KAT6A: variants seen among roughly 807,000 people sequenced by gnomAD.
KAT6A encodes the protein lysine acetyltransferase 6A, also known as histone acetyltransferase KAT6A.
KAT6A carries 9 observed loss-of-function variants against 198.4 expected under a neutral mutation model. The ratio of observed to expected loss-of-function variants is 0.05; its 90% CI spans 0.03 to 0.08. KAT6A has a LOEUF of 0.08. Among genes scored for constraint, KAT6A ranks in the 10% least tolerant of loss-of-function variants. The probability of loss-of-function intolerance (pLI) is 1.00; values close to 1 mark genes in which losing one functional copy is unlikely to be tolerated. For missense variants in KAT6A, 2,077 were observed against 2,509.9 expected, an observed-to-expected ratio of 0.83 and a Z score of 3.69; for synonymous variants, 890 against 883.0, an observed-to-expected ratio of 1.01 and a Z score of -0.14.
intron 2 of KAT6A, among the ~76,000 whole-genome samples, chr8:41,991,913 G>C (rs1266753593): frequency 6.6e-6 from 1 of 152,072 alleles, no homozygotes; most frequent in African/African-American, 2.4e-5. Context: ...ACCAATCTAA[G>C]AGAAAACAGA....
chr8:41,970,197 AAATG>A (rs1469218338), intron 8 of KAT6A, among the ~76,000 whole-genome samples: 1 of 152,210 alleles, frequency 6.6e-6, no homozygotes, highest in Non-Finnish European at 1.5e-5. Context: ...GCATGATGCT[AAATG>A]AATAAGCCTC....
chr8:42,030,721 C>T (rs1827065848), intron 2 of KAT6A, among the ~76,000 whole-genome samples: 1 of 151,892 alleles, frequency 6.6e-6, no homozygotes, highest in Admixed American at 6.6e-5. Context: ...CCTGCCACCA[C>T]ACCTGACAAA....
chr8:42,027,811 C>T (rs1206120312), intron 2 of KAT6A, among the ~76,000 whole-genome samples: 1 of 151,830 alleles, frequency 6.6e-6, no homozygotes, highest in Non-Finnish European at 1.5e-5. Context: ...TTTCTTTCTA[C>T]TAATTTGAGG....
Position 41,942,491 on chromosome 8 carries a change from T to G in KAT6A, c.2436+302A>C, listed in dbSNP as rs1822189745. 8.5e-6 allele frequency: 3 copies of G among 351,634 alleles called. No individual in the cohort carries two copies. The East Asian group carries it at 1.4e-4, about 16-fold the overall frequency. 21.8% of individuals were successfully genotyped at this position (351,634 alleles called of 1,614,324 possible). A position where few individuals can be genotyped will look rare whatever the true frequency, so the allele number is the denominator to read the frequency against. On this transcript the variant is annotated intron_variant, in intron 14 of 16. Coordinates refer to ENST00000265713, the MANE Select transcript of KAT6A (RefSeq NM_006766.5). ...TGTCAGATTTGGATTCAATTCAGAT[T>G]TCTCAACTACTATCCAGCTTAAAAC... is the stretch of plus-strand genomic sequence containing the variant.
intron 16 of KAT6A, 118 bp downstream of exon 16, chr8:41,937,138 C>T (rs538236552): frequency 3.7e-5 from 27 of 729,192 alleles, no homozygotes; most frequent in African/African-American, 3.0e-4. Context: ...CCAAACGTTC[C>T]TTTTCTTGCT....
chr8:41,950,232 AC>A (rs1822597326), intron 9 of KAT6A, among the ~76,000 whole-genome samples: 1 of 152,120 alleles, frequency 6.6e-6, no homozygotes, highest in Admixed American at 6.5e-5. Context: ...AAGAGGAACC[AC>A]TAGATAAAGA....
chr8:41,978,549 T>C (rs1217180039), intron 6 of KAT6A, 93 bp downstream of exon 6: 3 of 1,320,164 alleles, frequency 2.3e-6, no homozygotes, highest in Non-Finnish European at 3.2e-6. Flanking sequence ...GATATGACAA[T>C]GGAATTTTTT....
chr8:41,989,528 AACGTGACGTGACGTG>A (rs59726289), intron 2 of KAT6A, among the ~76,000 whole-genome samples: 17 of 149,498 alleles, frequency 1.1e-4, no homozygotes, highest in African/African-American at 3.5e-4. Context: ...AACATAACGT[AACGTGACGTGACGTG>A]ACGTGACGTG....
At chr8:41,988,288 G>T (rs184177488) in intron 2 of KAT6A, among the ~76,000 whole-genome samples, 1 of 151,818 alleles carries the variant, frequency 6.6e-6, no homozygotes. Flanking sequence ...TATAAGGGAG[G>T]GGAAAAAAAA....
chr8:42,037,151 T>TTAGTTTGGTATTTA (rs1349278668), intron 2 of KAT6A, among the ~76,000 whole-genome samples: 2 of 152,128 alleles, frequency 1.3e-5, no homozygotes, highest in Non-Finnish European at 2.9e-5. Context: ...TCAAATTTAA[T>TTAGTTTGGTATTTA]TAGTTTGGTA....
chr8:41,971,610 CT>C (rs35976311), intron 8 of KAT6A, among the ~76,000 whole-genome samples: 105,102 of 145,232 alleles, frequency 0.72, 38,808 homozygotes, highest in African/African-American at 0.92. Flanking sequence ...AGAACAGACT[CT>C]TTTTTTTTTT....
intron 2 of KAT6A, among the ~76,000 whole-genome samples, chr8:42,039,275 T>A (rs557732941): frequency 1.2e-4 from 18 of 152,300 alleles, no homozygotes; most frequent in Middle Eastern, 6.8e-3. Context: ...TTCCTATACA[T>A]AAATCAGAGC....
intron 2 of KAT6A, among the ~76,000 whole-genome samples, chr8:42,022,355 TTTCTA>T (rs1826586185): frequency 6.9e-6 from 1 of 144,246 alleles, no homozygotes; most frequent in Non-Finnish European, 1.5e-5. Flanking sequence ...AACCTAGATA[TTTCTA>T]AAGCAACATA....
chr8:41,997,629 T>G (rs1241566408), intron 2 of KAT6A, among the ~76,000 whole-genome samples: 2 of 152,138 alleles, frequency 1.3e-5, no homozygotes, highest in African/African-American at 4.8e-5. Context: ...CCACCATATA[T>G]CTTATCCATC....
At chr8:42,032,676 A>G (rs1827185968) in intron 2 of KAT6A, among the ~76,000 whole-genome samples, 1 of 152,180 alleles carries the variant, frequency 6.6e-6, no homozygotes, top group Non-Finnish European at 1.5e-5. Flanking sequence ...TACACAGCAC[A>G]TTAACGAATG....
chr8:41,932,327 G>A lies in KAT6A; in HGVS notation c.5893C>T (p.Gln1965Ter). The A allele has an allele frequency of 6.2e-7, 1 of 1,614,200 alleles. No individual in the cohort carries two copies. The highest frequency in any genetic ancestry group is 8.5e-7 in the Non-Finnish European group (1 of 1,180,042). Reference protein sequence around the residue: ...MGMMGSQAYTQQPMQPNPHGN... With the variant: ...MGMMGSQAYT ...TGAGGGTTAGGCTGCATAGGCTGCTGGGTATAGGCCTGGCTCCCCATCATT... is the reference window on the plus strand; with the variant it reads ...TGAGGGTTAGGCTGCATAGGCTGCTAGGTATAGGCCTGGCTCCCCATCATT... Residue 1965 changes from glutamine to a stop codon, truncating the protein, a stop_gained, in exon 17 of 17, where the codon CAG (glutamine) becomes TAG (stop). Transcript: ENST00000265713. LOFTEE classifies it high-confidence loss of function.
chr8:41,932,807 G>C lies in KAT6A; in HGVS notation c.5413C>G (p.Gln1805Glu). 3 of 1,614,160 alleles carry C rather than the reference G, an allele frequency of 1.9e-6. No homozygotes were observed. The highest frequency in any genetic ancestry group is 2.5e-6 in the Non-Finnish European group (3 of 1,179,998). The change falls in exon 17 of 17, where the codon CAA (glutamine) becomes GAA (glutamate). Residue 1805 changes from glutamine to glutamate, a missense_variant. Physicochemically the swap from Gln to Glu is conservative, Grantham distance 29 (BLOSUM62 2). This residue lies in a region of KAT6A where 500 missense variants were observed against 577.2 expected (regional missense o/e 0.87). Transcript: ENST00000265713. ...GGTGGCGTCATGGTGGCTTGTGCTTGAGGAGTCCCAGCTAAGGGATGAGAT... is the reference window on the plus strand; with the variant it reads ...GGTGGCGTCATGGTGGCTTGTGCTTCAGGAGTCCCAGCTAAGGGATGAGAT... ...APSHPLAGTP[Q>E]AQATMTPPPN...
chr8:42,035,594 T>C (rs1318675416), intron 2 of KAT6A, among the ~76,000 whole-genome samples: 2 of 151,744 alleles, frequency 1.3e-5, no homozygotes, highest in African/African-American at 2.4e-5. Context: ...ACCAGAAAGA[T>C]GGGAGGAAGG....
chr8:41,942,354 C>T, intron 14 of KAT6A: 1 of 239,662 alleles, frequency 4.2e-6, no homozygotes, highest in East Asian at 6.0e-5. Context: ...ACTATATTTC[C>T]CTGGTTGTCC....
Sources: gnomAD v4.1 joint callset for allele counts (sites outside exome capture counted in the v4.1 genomes callset) on GRCh38, gnomAD v4.1.1 for gene constraint, gnomAD v4.1.1 regional missense constraint, MANE v1.5 for transcripts, NCBI Gene and HGNC (gene_info 2026-07-23, HGNC 2026-07-21) for gene names.